MRAP: variants seen among roughly 807,000 people sequenced by gnomAD.
The protein encoded by MRAP is melanocortin 2 receptor accessory protein.
A neutral mutation model predicts 8.7 loss-of-function variants in MRAP; 8 were observed. The ratio of observed to expected loss-of-function variants is 0.92; its 90% CI spans 0.54 to 1.66. The LOEUF is 1.66. MRAP is among the 40% of genes most tolerant of loss of function. MRAP has a pLI of 0.00. For synonymous variants in MRAP, 95 were observed against 95.5 expected, an observed-to-expected ratio of 1.00 and a Z score of 0.03; for missense variants, 237 against 217.1, an observed-to-expected ratio of 1.09 and a Z score of -0.58.
chr21:32,310,633 G>A (rs184878364), intron 2 of MRAP, among the ~76,000 whole-genome samples: 222 of 152,030 alleles, frequency 1.5e-3, no homozygotes, highest in Non-Finnish European at 2.1e-3. Context: ...CACCCAGGGA[G>A]GACACATTTC....
At position 32,299,048 on chromosome 21, in the gene MRAP, T is replaced by G; in HGVS notation, c.77T>G (p.Val26Gly). Residue 26 changes from valine (V) to glycine (G), a missense_variant, in exon 1 of 3, where the codon GTG becomes GGG. Val to Gly is a moderately radical substitution (Grantham distance 109). Transcript: ENST00000303645. ...YYLDYLDLIP[V>G]DEKKLKAHKH... ...CTGGACTATCTGGACCTCATTCCCG[T>G]GGACGAGAAGAAGCTGAAAGCCCAC... 1 of 1,614,112 alleles carries G rather than the reference T, an allele frequency of 6.2e-7. No homozygotes were observed. Among genetic ancestry groups the G allele is most frequent in the African/African-American group, 1.3e-5 (1 of 75,062 alleles).
intron 1 of MRAP, among the ~76,000 whole-genome samples, chr21:32,302,146 G>T (rs1397315074): frequency 2.0e-5 from 3 of 152,160 alleles, no homozygotes. Context: ...AAACATTCTA[G>T]CAAACATCTG....
At chr21:32,300,944 T>G (rs1040332278) in intron 1 of MRAP, among the ~76,000 whole-genome samples, 18 of 151,136 alleles carry the variant, frequency 1.2e-4, no homozygotes, top group African/African-American at 4.4e-4. Context: ...GTATGTCATA[T>G]CAATGATATA....
chr21:32,302,166 A>G (rs2032310449), intron 1 of MRAP, among the ~76,000 whole-genome samples: 2 of 152,214 alleles, frequency 1.3e-5, no homozygotes, highest in African/African-American at 4.8e-5. Context: ...GTGGTGATAA[A>G]TTGTGTATAT....
rs1321852855 is a variant in MRAP at position 32,300,581 on chromosome 21, AG to A, written c.106+1508del. 2.9e-4 allele frequency among the ~76,000 whole-genome samples: 40 copies of A among 140,016 alleles called. No homozygotes were observed. In the East Asian group the frequency reaches 4.7e-3, roughly 16 times the overall value. The allele number at this position is 140,016 out of a possible 152,430, so 91.9% of individuals were successfully genotyped here. ...TGTCAGATGTTTCACACGTCATGTCAGGGGCGTCACACGTCCTATGTCGGAT... is the reference window on the plus strand; with the variant it reads ...TGTCAGATGTTTCACACGTCATGTCAGGGCGTCACACGTCCTATGTCGGAT... On this transcript the variant is annotated intron_variant, in intron 1 of 2. Transcript: ENST00000303645.
At chr21:32,293,017 T>C (rs1427401043) in exon 2 of MRAP, 2 of 152,062 alleles carry the variant, frequency 1.3e-5, no homozygotes, top group African/African-American at 2.4e-5. Flanking sequence ...TGATTAAGGA[T>C]TGTGAGATGG....
chr21:32,299,898 C>T (rs188014654), intron 1 of MRAP, among the ~76,000 whole-genome samples: 60 of 152,284 alleles, frequency 3.9e-4, no homozygotes, highest in South Asian at 2.1e-4. Flanking sequence ...TCTTGGCTAA[C>T]GTGGCATGTG....
At chr21:32,314,737 T>A (rs887283695), downstream of MRAP, 1 of 1,480,988 alleles carries the variant, frequency 6.8e-7, no homozygotes, top group African/African-American at 1.4e-5. Context: ...CCCGAGTTTA[T>A]CATTTACTGG....
intron 2 of MRAP, among the ~76,000 whole-genome samples, chr21:32,293,352 CA>C (rs2032084708): frequency 6.6e-6 from 1 of 152,022 alleles, no homozygotes; most frequent in Admixed American, 6.6e-5. Context: ...TAGAAATTGA[CA>C]TAAGGTAAGA....
At chr21:32,314,774 T>C (rs959237309), downstream of MRAP, 5 of 1,447,168 alleles carry the variant, frequency 3.5e-6, no homozygotes, top group South Asian at 6.2e-5. Context: ...CTCTCAACTT[T>C]TCTTGTCAAA....
At chr21:32,294,309 G>T (rs987497474), upstream of MRAP, among the ~76,000 whole-genome samples, 11 of 152,096 alleles carry the variant, frequency 7.2e-5, no homozygotes, top group African/African-American at 2.7e-4. Flanking sequence ...TAGAGAAGGG[G>T]TTTCGCCATT....
chr21:32,298,828 G>A, upstream of MRAP: 1 of 682,944 alleles, frequency 1.5e-6, no homozygotes, highest in Non-Finnish European at 2.7e-6. Context: ...GCTCTGATAA[G>A]TGGGCAGACC....
chr21:32,310,623 C>T (rs1040480688), intron 2 of MRAP, among the ~76,000 whole-genome samples: 1 of 152,112 alleles, frequency 6.6e-6, no homozygotes, highest in South Asian at 2.1e-4. Context: ...CAGGAGAATC[C>T]ACCCAGGGAG....
chr21:32,306,679 T>C lies in MRAP; in HGVS notation c.146T>C (p.Phe49Ser). ...VIAFWVSLAA[F>S]VVLLFLILLY... ...GCATTCTGGGTGAGCCTGGCTGCCTTCGTGGTGCTGCTCTTCCTCATCTTG... is the reference window on the plus strand; with the variant it reads ...GCATTCTGGGTGAGCCTGGCTGCCTCCGTGGTGCTGCTCTTCCTCATCTTG... The change falls in exon 2 of 3, where the codon TTC becomes TCC. Residue 49 changes from phenylalanine to serine, a missense_variant. Phe to Ser is a radical substitution (Grantham distance 155, BLOSUM62 -2). Transcript: ENST00000303645. 6.2e-7 allele frequency: 1 copy of C among 1,614,096 alleles called. No homozygotes were observed. The highest frequency in any genetic ancestry group is 1.1e-5 in the South Asian group (1 of 91,074).
At chr21:32,311,535 C>T in intron 2 of MRAP, 149 bp from the exon 3 acceptor site, 1 of 1,145,100 alleles carries the variant, frequency 8.7e-7, no homozygotes, top group Non-Finnish European at 1.2e-6. Context: ...CCTTTGTGAG[C>T]TGGCTGACCC....
chr21:32,312,499 C>T (rs1009648965), downstream of MRAP: 39 of 226,286 alleles, frequency 1.7e-4, no homozygotes, highest in African/African-American at 8.8e-4. Flanking sequence ...TGAGTTGCAC[C>T]TTCAACCTCC....
chr21:32,306,914 A>C (rs937025293), intron 2 of MRAP, 175 bp downstream of exon 2: 1 of 676,288 alleles, frequency 1.5e-6, no homozygotes, highest in African/African-American at 1.8e-5. Context: ...AAAATCCGAA[A>C]TATTCCAGCG....
At chr21:32,302,917 C>T (rs2032324151) in intron 1 of MRAP, among the ~76,000 whole-genome samples, 1 of 151,880 alleles carries the variant, frequency 6.6e-6, no homozygotes, top group Non-Finnish European at 1.5e-5. Context: ...AAGGTTCTAT[C>T]ACGACGGAAG....
intron 1 of MRAP, among the ~76,000 whole-genome samples, chr21:32,302,979 C>CT (rs57692462): frequency 0.1 from 12,725 of 124,088 alleles, 1,919 homozygotes; most frequent in African/African-American, 0.3. Context: ...CCCCAATTCC[C>CT]TTTTTTTTTT....
Sources: gnomAD v4.1 joint callset for allele counts (sites outside exome capture counted in the v4.1 genomes callset) on GRCh38, gnomAD v4.1.1 for gene constraint, MANE v1.5 for transcripts, NCBI Gene and HGNC (gene_info 2026-07-23, HGNC 2026-07-21) for gene names.